PATJ: variants seen among roughly 807,000 people sequenced by gnomAD.
PATJ encodes PATJ crumbs cell polarity complex component.
In PATJ, 190 loss-of-function variants were observed where a neutral mutation model predicts 224.9. That is an observed-to-expected ratio of 0.84 (90% CI 0.75 to 0.95). The LOEUF is 0.95. Among genes scored for constraint, PATJ ranks in the 40% least tolerant of loss-of-function variants. The pLI is 0.00. For missense variants in PATJ, 2,121 were observed against 2,270.3 expected, an observed-to-expected ratio of 0.93 and a Z score of 1.34; for synonymous variants, 769 against 820.3, an observed-to-expected ratio of 0.94 and a Z score of 1.07.
intron 39 of PATJ, among the ~76,000 whole-genome samples, chr1:62,123,270 C>T (rs1210505969): frequency 1.3e-5 from 2 of 152,116 alleles, no homozygotes; most frequent in East Asian, 3.9e-4. Flanking sequence ...AAATCTCATC[C>T]ACTATATTCT....
At chr1:62,041,887 T>C (rs1490293010) in intron 30 of PATJ, among the ~76,000 whole-genome samples, 2 of 151,992 alleles carry the variant, frequency 1.3e-5, no homozygotes, top group Admixed American at 6.6e-5. Context: ...AAAAATAGGC[T>C]GAGACAGGAG....
At chr1:61,852,325 A>G (rs957313430) in intron 17 of PATJ, among the ~76,000 whole-genome samples, 9 of 152,110 alleles carry the variant, frequency 5.9e-5, no homozygotes, top group Admixed American at 3.3e-4. Context: ...TCTATTGGCT[A>G]TTTAGTCTAA....
intron 23 of PATJ, among the ~76,000 whole-genome samples, chr1:61,899,857 A>C (rs1670880852): frequency 6.6e-6 from 1 of 152,246 alleles, no homozygotes. Flanking sequence ...AATATTAGGA[A>C]CATCTTTGAT....
chr1:61,975,672 C>A lies in PATJ; in HGVS notation c.3671-14496C>A, dbSNP rs1644089758. Reference sequence around the variant, plus strand: ...TGTCGAGTGGTAATTCATCTCCAAACACTGTTCAAAGCATTTCAGTATCTC... The same window carrying A: ...TGTCGAGTGGTAATTCATCTCCAAAAACTGTTCAAAGCATTTCAGTATCTC... On this transcript the variant is annotated intron_variant, in intron 27 of 43. Transcript: ENST00000642238. Among the ~76,000 whole-genome samples the A allele has an allele frequency of 3.9e-5, 6 of 152,170 alleles. No homozygotes were observed. The South Asian group carries it at 1.2e-3, about 32-fold the overall frequency.
At chr1:62,081,012 G>C (rs1402800561) in intron 32 of PATJ, among the ~76,000 whole-genome samples, 1 of 152,018 alleles carries the variant, frequency 6.6e-6, no homozygotes, top group African/African-American at 2.4e-5. Context: ...CACAAATACA[G>C]GTTTATAGAC....
intron 27 of PATJ, among the ~76,000 whole-genome samples, chr1:61,974,727 T>C (rs1310935417): frequency 2.0e-5 from 3 of 152,154 alleles, no homozygotes; most frequent in Admixed American, 2.0e-4. Flanking sequence ...TAAAAAATAA[T>C]AATTTAAAAA....
rs548589792 is a variant in PATJ, at chr1:62,086,168, G to A, written c.4377+1520G>A. On this transcript the variant is annotated intron_variant, in intron 33 of 43. Transcript: ENST00000642238. The surrounding 1 kb of genome is among the most constrained non-coding windows in gnomAD (Gnocchi z 4.0). The stretch of plus-strand genomic sequence containing the variant: ...CTTTTGTTTATCACTGCTCAGTAGC[G>A]CCATTAAAATGAAAACTTTTCCTGG... Among the ~76,000 whole-genome samples, 9 of 151,082 alleles carry A rather than the reference G, an allele frequency of 6.0e-5. No homozygotes were observed. The highest frequency in any genetic ancestry group is 2.0e-4 in the Admixed American group (3 of 15,220).
At chr1:62,071,196 G>A (rs1355098333) in intron 31 of PATJ, among the ~76,000 whole-genome samples, 6 of 152,130 alleles carry the variant, frequency 3.9e-5, no homozygotes, top group Non-Finnish European at 4.4e-5. Context: ...TTTCTAGGTC[G>A]CTTCCAAGAC....
At chr1:61,951,260 T>G (rs1328866661) in intron 27 of PATJ, among the ~76,000 whole-genome samples, 2 of 152,166 alleles carry the variant, frequency 1.3e-5, no homozygotes, top group Non-Finnish European at 2.9e-5. Context: ...TGAACTTGGC[T>G]TTTTATTGTT....
At position 61,762,884 on chromosome 1, in the gene PATJ, T is replaced by C; in HGVS notation, c.-9T>C. 1 of 1,524,012 alleles carries C rather than the reference T, an allele frequency of 6.6e-7. No homozygotes were observed. The highest frequency in any genetic ancestry group is 9.0e-7 in the Non-Finnish European group (1 of 1,114,282). 94.4% of individuals were successfully genotyped at this position (1,524,012 alleles called of 1,614,324 possible). A position where few individuals can be genotyped will look rare whatever the true frequency, so the allele number is the denominator to read the frequency against. On this transcript the variant is annotated 5_prime_UTR_variant, in exon 2 of 44. Transcript: ENST00000642238. ...TGTCTTTAAGAGTGATTGAAGAGAA[T>C]AATTCAAAATGCCTGAAAATCCTGC...
At chr1:61,751,651 C>T (rs1645336827) in intron 1 of PATJ, among the ~76,000 whole-genome samples, 1 of 150,394 alleles carries the variant, frequency 6.6e-6, no homozygotes, top group Non-Finnish European at 1.5e-5. Flanking sequence ...CATGGTAAAA[C>T]CCTGCCTTTA....
intron 41 of PATJ, among the ~76,000 whole-genome samples, chr1:62,138,513 G>T (rs1989208): frequency 0.3 from 44,791 of 151,748 alleles, 8,214 homozygotes; most frequent in East Asian, 0.64. Context: ...CACCATGTTG[G>T]CCAGGCTCGT....
At chr1:61,745,337 G>A (rs1256777521) in intron 1 of PATJ, among the ~76,000 whole-genome samples, 1 of 150,808 alleles carries the variant, frequency 6.6e-6, no homozygotes, top group Middle Eastern at 3.6e-3. Flanking sequence ...TGCAGTGGGT[G>A]ATCTCAGCTC....
chr1:62,019,521 A>T (rs965839785), intron 29 of PATJ, among the ~76,000 whole-genome samples: 23 of 151,858 alleles, frequency 1.5e-4, no homozygotes, highest in Admixed American at 1.5e-3. Flanking sequence ...TCTGTCTCAA[A>T]AAAAAAAAGG....
rs1654027700 is a variant in PATJ at position 61,808,502 on chromosome 1, A to T, written c.1655A>T (p.Asp552Val). 2 of 1,608,910 alleles carry T rather than the reference A, an allele frequency of 1.2e-6. No homozygotes were observed. Among genetic ancestry groups the T allele is most frequent in the South Asian group, 2.2e-5 (2 of 90,624 alleles). The change falls in exon 14 of 44, where the codon GAT (aspartate) becomes GTT (valine). Residue 552 changes from aspartate (D) to valine (V), a missense_variant. Coordinates refer to ENST00000642238, the MANE Select transcript of PATJ (RefSeq NM_001350145.3). ...GCTACTTTGGACACACAGATTGCAG[A>T]TGATGCTGAGTTACAGAAATATTCA... is the stretch of plus-strand genomic sequence containing the variant. ...MVATLDTQIA[D>V]DAELQKYSKL...
intron 17 of PATJ, chr1:61,852,683 A>G (rs1032673840): frequency 6.6e-6 from 1 of 152,218 alleles, no homozygotes; most frequent in African/African-American, 2.4e-5. Context: ...TTGCTATAAC[A>G]TGCACATAAT....
chr1:61,948,537 T>C (rs1327316165), intron 27 of PATJ, among the ~76,000 whole-genome samples: 1 of 152,156 alleles, frequency 6.6e-6, no homozygotes, highest in African/African-American at 2.4e-5. Context: ...CCAGTTAGAA[T>C]GGCAATCATT....
chr1:62,137,508 AGTGAGGG>A (rs1367058587), intron 41 of PATJ, among the ~76,000 whole-genome samples: 5 of 39,352 alleles, frequency 1.3e-4, no homozygotes, highest in East Asian at 1.3e-3. Context: ...GGGAACACAG[AGTGAGGG>A]GGCACAGCAG....
rs149668516 is a variant in PATJ, at chr1:62,005,036, C to T, written c.3868-12820C>T. Among the ~76,000 whole-genome samples the T allele has an allele frequency of 2.4e-3, 370 of 152,154 alleles. 2 individuals carry two copies. Among genetic ancestry groups the T allele is most frequent in the African/African-American group, 8.6e-3 (355 of 41,480 alleles). On this transcript the variant is annotated intron_variant, in intron 28 of 43. Transcript: ENST00000642238. ...CCACAGTTTTCCATTTATTGATATA[C>T]GATTATTAGTATAATTGTTTGTTGG...
Sources: gnomAD v4.1 joint callset for allele counts (sites outside exome capture counted in the v4.1 genomes callset) on GRCh38, gnomAD v4.1.1 for gene constraint, Gnocchi (gnomAD v3.1) non-coding constraint, MANE v1.5 for transcripts, NCBI Gene and HGNC (gene_info 2026-07-23, HGNC 2026-07-21) for gene names.